Variants in IL34 observed in about 807,000 individuals in gnomAD.
IL34 encodes interleukin-34.
In IL34, 17 loss-of-function variants were observed where a neutral mutation model predicts 25.3. The observed-to-expected ratio is 0.67, with a 90% CI of 0.46 to 1.01. The LOEUF is 1.01. Among genes scored for constraint, IL34 ranks in the 50% least tolerant of loss-of-function variants. IL34 has a pLI of 0.00. For synonymous variants in IL34, 174 were observed against 140.9 expected (o/e 1.23, Z -1.66); for missense variants, 368 against 312.9 (o/e 1.18, Z -1.33).
At chr16:70,612,128 C>A (rs1472440750) in intron 1 of IL34, among the ~76,000 whole-genome samples, 2 of 152,176 alleles carry the variant, frequency 1.3e-5, no homozygotes, top group East Asian at 1.9e-4. Flanking sequence ...AGCCAGCCTC[C>A]AACAGGCCGA....
chr16:70,643,103 C>G (rs527273140), upstream of IL34, among the ~76,000 whole-genome samples: 6 of 152,234 alleles, frequency 3.9e-5, no homozygotes, highest in South Asian at 1.0e-3. Context: ...CACTCTGTCA[C>G]CCAGGCTGGA....
chr16:70,629,363 A>G (rs1013996854), intron 1 of IL34, among the ~76,000 whole-genome samples: 6 of 152,184 alleles, frequency 3.9e-5, no homozygotes, highest in East Asian at 3.9e-4. Context: ...TTATCCATCA[A>G]TTCCTTCTTT....
chr16:70,657,021 C>T lies in IL34; in HGVS notation c.302C>T (p.Ala101Val), dbSNP rs976274551. 107 of 1,612,230 alleles carry T rather than the reference C, an allele frequency of 6.6e-5. No homozygotes were observed. Among genetic ancestry groups the T allele is most frequent in the Non-Finnish European group, 8.4e-5 (99 of 1,179,854 alleles). ...RYLWVLVSLS[A>V]TESVQDVLLE... ...CTGTGGGTCTTGGTGAGCCTCAGTG[C>T]CACTGAGTCGGTGCAGGACGTGCTG... Residue 101 changes from alanine (A) to valine (V), a missense_variant, in exon 4 of 6, where the codon GCC (alanine) becomes GTC (valine). Physicochemically the swap from Ala to Val is moderately conservative, Grantham distance 64 (BLOSUM62 0). Transcript: ENST00000288098.
At chr16:70,618,445 T>G (rs1212238309) in intron 1 of IL34, among the ~76,000 whole-genome samples, 9 of 151,332 alleles carry the variant, frequency 5.9e-5, no homozygotes, top group African/African-American at 1.7e-4. Flanking sequence ...GAAGCAGAAA[T>G]TATATGCGTC....
At chr16:70,636,105 C>G (rs1399857019) in intron 1 of IL34, among the ~76,000 whole-genome samples, 3 of 151,104 alleles carry the variant, frequency 2.0e-5, no homozygotes, top group African/African-American at 7.3e-5. Flanking sequence ...GTGGCATGAT[C>G]TCAACTCAAT....
chr16:70,658,034 C>T (rs986705159), intron 4 of IL34, among the ~76,000 whole-genome samples: 1 of 152,164 alleles, frequency 6.6e-6, no homozygotes, highest in Non-Finnish European at 1.5e-5. Flanking sequence ...CCATGCAGGC[C>T]GTGTGTGCGG....
At chr16:70,635,426 G>A (rs1196847437) in intron 1 of IL34, among the ~76,000 whole-genome samples, 1 of 152,210 alleles carries the variant, frequency 6.6e-6, no homozygotes, top group African/African-American at 2.4e-5. Context: ...ACAAAGGCCT[G>A]TTGGAGGCCC....
chr16:70,603,555 G>C (rs142703382), intron 1 of IL34, among the ~76,000 whole-genome samples: 2 of 152,254 alleles, frequency 1.3e-5, no homozygotes, highest in African/African-American at 4.8e-5. Context: ...TAGGGTTACA[G>C]GTGTGAGTCA....
chr16:70,630,098 A>G (rs1225155207), intron 1 of IL34, among the ~76,000 whole-genome samples: 1 of 152,206 alleles, frequency 6.6e-6, no homozygotes, highest in African/African-American at 2.4e-5. Context: ...AAGTGAAAAT[A>G]TGTAATGTTT....
upstream of IL34, among the ~76,000 whole-genome samples, chr16:70,645,013 G>A (rs185441709): frequency 2.7e-4 from 39 of 146,202 alleles, no homozygotes; most frequent in African/African-American, 9.5e-4. Context: ...AGGAAGAGGA[G>A]GAAGGAGGAG....
At chr16:70,620,508 C>CGA (rs2051258483) in intron 1 of IL34, among the ~76,000 whole-genome samples, 1 of 151,350 alleles carries the variant, frequency 6.6e-6, no homozygotes, top group Non-Finnish European at 1.5e-5. Context: ...CTCAGCCTGG[C>CGA]GAGGAGGGGA....
At chr16:70,588,690 C>T (rs541194471) in intron 1 of IL34, among the ~76,000 whole-genome samples, 3 of 152,102 alleles carry the variant, frequency 2.0e-5, no homozygotes, top group South Asian at 4.2e-4. Context: ...CAAAATGTGC[C>T]GTAAATATAC....
At chr16:70,603,125 G>GA (rs1276669139) in intron 1 of IL34, among the ~76,000 whole-genome samples, 1 of 151,272 alleles carries the variant, frequency 6.6e-6, no homozygotes, top group Admixed American at 6.6e-5. Flanking sequence ...TTCCACTGGA[G>GA]AAAAAAAAGA....
At chr16:70,644,866 G>A (rs1292050083), upstream of IL34, among the ~76,000 whole-genome samples, 22 of 143,288 alleles carry the variant, frequency 1.5e-4, no homozygotes, top group Admixed American at 1.5e-3. Context: ...GGAAGAGGAG[G>A]AAGTAGGAAG....
chr16:70,660,636 A>C lies in IL34; in HGVS notation c.*449A>C, dbSNP rs1215350043. 1.2e-5 allele frequency: 2 copies of C among 163,988 alleles called. No individual in the cohort carries two copies. 10.2% of individuals were successfully genotyped at this position (163,988 alleles called of 1,614,324 possible). On this transcript the variant is annotated 3_prime_UTR_variant, in exon 6 of 6. Coordinates refer to ENST00000288098, the MANE Select transcript of IL34 (RefSeq NM_001393494.1). ...CAAGTGCCACATCTTGCCATAGTGGATGCTCTTCCAGTTTCTTTTTTCTAT... is the reference window on the plus strand; with the variant it reads ...CAAGTGCCACATCTTGCCATAGTGGCTGCTCTTCCAGTTTCTTTTTTCTAT...
At chr16:70,634,764 C>T (rs2051603208) in intron 1 of IL34, among the ~76,000 whole-genome samples, 1 of 152,068 alleles carries the variant, frequency 6.6e-6, no homozygotes, top group African/African-American at 2.4e-5. Context: ...GGGATAGCCA[C>T]AGTTCTGATA....
chr16:70,603,525 G>A (rs1419463901), intron 1 of IL34, among the ~76,000 whole-genome samples: 11 of 152,014 alleles, frequency 7.2e-5, no homozygotes, highest in African/African-American at 2.4e-4. Flanking sequence ...TGATCCACCC[G>A]CCTCAGCCTC....
intron 1 of IL34, among the ~76,000 whole-genome samples, chr16:70,633,463 CTA>C (rs2051566123): frequency 6.6e-6 from 1 of 152,028 alleles, no homozygotes; most frequent in Non-Finnish European, 1.5e-5. Flanking sequence ...CGTGGTCTCC[CTA>C]TGTTGCCCAG....
chr16:70,623,044 C>G (rs144387681), intron 1 of IL34, among the ~76,000 whole-genome samples: 21 of 152,066 alleles, frequency 1.4e-4, no homozygotes, highest in Non-Finnish European at 4.4e-5. Flanking sequence ...GGGGATTAAT[C>G]GGACACGAGC....
Sources: gnomAD v4.1 joint callset for allele counts (sites outside exome capture counted in the v4.1 genomes callset) on GRCh38, gnomAD v4.1.1 for gene constraint, MANE v1.5 for transcripts, NCBI Gene and HGNC (gene_info 2026-07-23, HGNC 2026-07-21) for gene names.